FRYL: variants seen among roughly 807,000 people sequenced by gnomAD.
FRYL encodes protein furry homolog-like.
FRYL carries 150 observed loss-of-function variants against 351.2 expected under a neutral mutation model. The ratio of observed to expected loss-of-function variants is 0.43; its 90% CI spans 0.37 to 0.49. FRYL has a LOEUF of 0.49. Ranked by LOEUF, FRYL falls within the 20% of genes least tolerant of loss-of-function variation. The pLI, the probability that FRYL is intolerant of heterozygous loss-of-function variation, is 0.00. For missense variants in FRYL, 3,036 were observed against 3,619.3 expected (o/e 0.84, Z 4.13); for synonymous variants, 1,153 against 1,257.1 (o/e 0.92, Z 1.75).
At chr4:48,761,198 A>G (rs988516559) in intron 1 of FRYL, among the ~76,000 whole-genome samples, 1 of 152,168 alleles carries the variant, frequency 6.6e-6, no homozygotes, top group African/African-American at 2.4e-5. Flanking sequence ...TCACCATGCT[A>G]TATTCCATGT....
intron 40 of FRYL, among the ~76,000 whole-genome samples, chr4:48,548,219 C>T (rs796559807): frequency 2.0e-5 from 3 of 152,200 alleles, no homozygotes; most frequent in African/African-American, 7.2e-5. Context: ...ATCCTATAAG[C>T]ATCAAATGTA....
chr4:48,678,135 G>A (rs888544335), intron 3 of FRYL, among the ~76,000 whole-genome samples: 10 of 152,176 alleles, frequency 6.6e-5, no homozygotes, highest in Non-Finnish European at 1.2e-4. Flanking sequence ...GCTCATGCCT[G>A]TAATCCCAGC....
rs901773168 is a variant in FRYL, at chr4:48,581,273, G to A, written c.2172+147C>T. On this transcript the variant is annotated intron_variant, in intron 21 of 63. Coordinates refer to ENST00000358350, the MANE Select transcript of FRYL (RefSeq NM_015030.2). ...AGGATGGTCTCGATCTCCTGATCTC[G>A]TGATCCGCCCGACTCGGCCTCCCAA... is the stretch of plus-strand genomic sequence containing the variant. The A allele has an allele frequency of 4.4e-5, 27 of 615,928 alleles. No homozygotes were observed. In the Admixed American group the frequency reaches 4.4e-4, roughly 10 times the overall value. 38.2% of individuals were successfully genotyped at this position (615,928 alleles called of 1,614,324 possible). A position where few individuals can be genotyped will look rare whatever the true frequency, so the allele number is the denominator to read the frequency against.
Position 48,515,104 on chromosome 4 carries a change from C to T in FRYL, c.7861G>A (p.Glu2621Lys). 1 of 1,613,916 alleles carries T rather than the reference C, an allele frequency of 6.2e-7. No individual in the cohort carries two copies. Among genetic ancestry groups the T allele is most frequent in the Non-Finnish European group, 8.5e-7 (1 of 1,179,828 alleles). The change falls in exon 56 of 64, where the codon GAG becomes AAG. Residue 2621 changes from glutamate (E) to lysine (K), a missense_variant. By Grantham distance (56) the Glu-to-Lys change is moderately conservative. Coordinates refer to ENST00000358350, the MANE Select transcript of FRYL (RefSeq NM_015030.2). ...TCTTTCAGAGCTAAGGTAACATCCT[C>T]TTCACAGACTGACTCGGGGTAACTT... ...PESYPESVCE[E>K]DVTLALKELD...
At chr4:48,563,856 A>G in intron 31 of FRYL, 92 bp downstream of exon 31, 1 of 1,380,014 alleles carries the variant, frequency 7.2e-7, no homozygotes. Flanking sequence ...AAGGACAACT[A>G]AACTGGTGTC....
At chr4:48,545,506 C>T (rs747437509) in intron 42 of FRYL, among the ~76,000 whole-genome samples, 3 of 152,160 alleles carry the variant, frequency 2.0e-5, no homozygotes, top group Admixed American at 6.5e-5. Context: ...CCACCCTCCT[C>T]CCAGCTTAAT....
At chr4:48,609,653 G>T in intron 8 of FRYL, 91 bp downstream of exon 8, 1 of 557,376 alleles carries the variant, frequency 1.8e-6, no homozygotes, top group Non-Finnish European at 3.1e-6. Context: ...GAATTGCCTT[G>T]AACTCTCAAA....
chr4:48,584,575 GAC>G (rs1379621322), intron 19 of FRYL, among the ~76,000 whole-genome samples: 7 of 152,296 alleles, frequency 4.6e-5, no homozygotes. Context: ...AGAAGAGAGT[GAC>G]AGTCCTCAAT....
At chr4:48,653,004 G>A (rs1469376262) in intron 3 of FRYL, among the ~76,000 whole-genome samples, 2 of 151,906 alleles carry the variant, frequency 1.3e-5, no homozygotes, top group Non-Finnish European at 2.9e-5. Flanking sequence ...GATACTTTTG[G>A]CAAAAAAGTA....
intron 25 of FRYL, 56 bp downstream of exon 25, chr4:48,575,061 T>A: frequency 6.3e-7 from 1 of 1,585,720 alleles, no homozygotes. Context: ...TACCACACCT[T>A]CTAAGTAGCA....
Position 48,540,940 on chromosome 4 carries a change from A to G in FRYL, c.5708T>C (p.Ile1903Thr). 6.3e-7 allele frequency: 1 copy of G among 1,599,568 alleles called. No individual in the cohort carries two copies. Among genetic ancestry groups the G allele is most frequent in the Non-Finnish European group, 8.5e-7 (1 of 1,170,216 alleles). ...ALSQTSYHDP[I>T]MGNKYAANRK... Reference sequence around the variant, plus strand: ...GTTAGCTGCATACTTGTTTCCCATTATAGGATCATGATATGAGGTTCTTAA... The same window carrying G: ...GTTAGCTGCATACTTGTTTCCCATTGTAGGATCATGATATGAGGTTCTTAA... Residue 1903 changes from isoleucine to threonine, a missense_variant, in exon 46 of 64, where the codon ATA becomes ACA. By Grantham distance (89) the Ile-to-Thr change is moderately conservative (BLOSUM62 -1). Around this residue, in one of 7 missense-constraint regions of FRYL, gnomAD observed 1,987 missense variants for 2,311.7 expected, o/e 0.86. Coordinates refer to ENST00000358350, the MANE Select transcript of FRYL (RefSeq NM_015030.2).
intron 1 of FRYL, among the ~76,000 whole-genome samples, chr4:48,756,233 A>G (rs1208946389): frequency 7.6e-6 from 1 of 131,704 alleles, no homozygotes; most frequent in African/African-American, 3.2e-5. Flanking sequence ...ACTTTGTCTC[A>G]AAAAAAAAAA....
intron 7 of FRYL, among the ~76,000 whole-genome samples, chr4:48,615,905 T>C (rs963889635): frequency 2.0e-5 from 3 of 152,200 alleles, no homozygotes; most frequent in African/African-American, 7.2e-5. Flanking sequence ...TGAGTTCATG[T>C]CCTTTGCAGG....
At chr4:48,578,022 C>A (rs1268396780) in intron 23 of FRYL, among the ~76,000 whole-genome samples, 1 of 150,976 alleles carries the variant, frequency 6.6e-6, no homozygotes, top group Non-Finnish European at 1.5e-5. Flanking sequence ...AAGGACTACT[C>A]TGGGTAGGAA....
At chr4:48,522,363 A>C (rs1010117715) in intron 54 of FRYL, among the ~76,000 whole-genome samples, 1 of 152,152 alleles carries the variant, frequency 6.6e-6, no homozygotes. Context: ...CTTCCTTATC[A>C]CATGTACCAG....
intron 1 of FRYL, among the ~76,000 whole-genome samples, chr4:48,753,859 G>A (rs1281771846): frequency 6.6e-6 from 1 of 151,970 alleles, no homozygotes; most frequent in Non-Finnish European, 1.5e-5. Flanking sequence ...AAATCCAGAT[G>A]TCTCAGTATC....
chr4:48,560,611 G>A (rs7689524), intron 33 of FRYL, among the ~76,000 whole-genome samples: 80,770 of 151,992 alleles, frequency 0.53, 22,159 homozygotes, highest in African/African-American at 0.67. Context: ...CTGTGTTCAC[G>A]GCGGCCGCTA....
At position 48,546,197 on chromosome 4, in the gene FRYL, A is replaced by C. The variant is rs776714452; in HGVS notation, c.5149T>G (p.Ser1717Ala). 2 of 1,613,818 alleles carry C rather than the reference A, an allele frequency of 1.2e-6. No homozygotes were observed. Among genetic ancestry groups the C allele is most frequent in the Non-Finnish European group, 1.7e-6 (2 of 1,179,836 alleles). Residue 1717 changes from serine to alanine, a missense_variant, in exon 42 of 64, where the codon TCT becomes GCT. By Grantham distance (99) the Ser-to-Ala change is moderately conservative (BLOSUM62 1). Coordinates refer to ENST00000358350, the MANE Select transcript of FRYL (RefSeq NM_015030.2). ...TTATTTCCTAAGCTGATACTAGAAG[A>C]GGTAGAACTTGAGCTAAGCCCTGAG... The part of the protein sequence containing the change: ...TDSGLSSSST[S>A]SSISLGNNSA...
chr4:48,558,916 C>A (rs2149038060), intron 33 of FRYL, among the ~76,000 whole-genome samples: 1 of 152,284 alleles, frequency 6.6e-6, no homozygotes, highest in South Asian at 2.1e-4. Context: ...TTCTCCTTTG[C>A]TCCTCTCTTT....
Sources: allele counts gnomAD v4.1 joint callset (sites outside exome capture counted in the v4.1 genomes callset), GRCh38; gene constraint gnomAD v4.1.1; regional missense constraint gnomAD v4.1.1; transcripts MANE v1.5; gene names NCBI Gene and HGNC (gene_info 2026-07-23, HGNC 2026-07-21).